Variants in LRRC72 observed in about 807,000 individuals in gnomAD.
The protein encoded by LRRC72 is leucine-rich repeat-containing protein 72.
Under a neutral mutation model 35.8 loss-of-function variants are expected in LRRC72, and 41 were observed. That is an observed-to-expected ratio of 1.15 (90% CI 0.89 to 1.49). LRRC72 has a LOEUF of 1.49. LRRC72 is among the 40% of genes most tolerant of loss of function. The pLI is 0.00. For synonymous variants in LRRC72, 118 were observed against 119.2 expected, an observed-to-expected ratio of 0.99 and a Z score of 0.07; for missense variants, 389 against 330.7, an observed-to-expected ratio of 1.18 and a Z score of -1.37.
intron 7 of LRRC72, among the ~76,000 whole-genome samples, chr7:16,570,460 CA>C (rs1294361336): frequency 6.6e-6 from 1 of 152,160 alleles, no homozygotes; most frequent in Non-Finnish European, 1.5e-5. Flanking sequence ...AAAATAAGGA[CA>C]TTTTCCTGTT....
chr7:16,535,194 GA>G (rs199810747), intron 2 of LRRC72, among the ~76,000 whole-genome samples: 3 of 150,812 alleles, frequency 2.0e-5, no homozygotes, highest in African/African-American at 4.9e-5. Context: ...TTCTAAAAAA[GA>G]AAAAAAAAGT....
chr7:16,567,085 T>C (rs773858345), intron 6 of LRRC72, among the ~76,000 whole-genome samples: 4 of 152,156 alleles, frequency 2.6e-5, no homozygotes, highest in Non-Finnish European at 5.9e-5. Flanking sequence ...TCCTTTCTAA[T>C]AGCCTTGAGG....
chr7:16,572,717 G>C (rs1008059166), intron 7 of LRRC72, among the ~76,000 whole-genome samples: 11 of 152,144 alleles, frequency 7.2e-5, no homozygotes, highest in Admixed American at 6.5e-5. Flanking sequence ...GCAAAAACTG[G>C]AAGCATTCCC....
At chr7:16,561,345 A>C (rs924258537) in intron 5 of LRRC72, among the ~76,000 whole-genome samples, 1 of 152,244 alleles carries the variant, frequency 6.6e-6, no homozygotes, top group South Asian at 2.1e-4. Context: ...AGTGGTAAAC[A>C]AGCTTACTCC....
At chr7:16,541,152 T>C (rs2128335364) in intron 3 of LRRC72, among the ~76,000 whole-genome samples, 1 of 152,298 alleles carries the variant, frequency 6.6e-6, no homozygotes, top group East Asian at 1.9e-4. Flanking sequence ...GAACTAAAAT[T>C]CAAACCCAGA....
chr7:16,526,999 G>T lies in LRRC72; in HGVS notation c.47G>T (p.Arg16Leu), dbSNP rs1175726508. The change falls in exon 1 of 9, where the codon CGC becomes CTC. Residue 16 changes from arginine (R) to leucine (L), a missense_variant. Coordinates refer to ENST00000401542, the MANE Select transcript of LRRC72 (RefSeq NM_001195280.2). ...NPVPRTLRCW[R>L]LRRASETALQ... ...GTGCCCCGTACCTTGCGATGCTGGCGCCTACGGAGGGCATCCGAAACTGCC... is the reference window on the plus strand; with the variant it reads ...GTGCCCCGTACCTTGCGATGCTGGCTCCTACGGAGGGCATCCGAAACTGCC... The T allele has an allele frequency of 1.9e-6, 3 of 1,539,884 alleles. No homozygotes were observed. Among genetic ancestry groups the T allele is most frequent in the East Asian group, 2.4e-5 (1 of 40,898 alleles).
intron 7 of LRRC72, among the ~76,000 whole-genome samples, chr7:16,568,702 A>G (rs1782891914): frequency 6.6e-6 from 1 of 152,148 alleles, no homozygotes; most frequent in South Asian, 2.1e-4. Flanking sequence ...AAACACAAAA[A>G]AGACACATAA....
chr7:16,561,062 T>G (rs1029253628), intron 5 of LRRC72, among the ~76,000 whole-genome samples: 1 of 152,194 alleles, frequency 6.6e-6, no homozygotes, highest in Non-Finnish European at 1.5e-5. Flanking sequence ...TACTTATCAT[T>G]TATTTATTCA....
At chr7:16,546,562 T>C (rs913105626) in intron 3 of LRRC72, among the ~76,000 whole-genome samples, 1 of 152,136 alleles carries the variant, frequency 6.6e-6, no homozygotes, top group East Asian at 1.9e-4. Flanking sequence ...AGTGAAAACA[T>C]GTCACTCCTC....
At chr7:16,534,974 G>A (rs1293758955) in intron 2 of LRRC72, among the ~76,000 whole-genome samples, 1 of 152,148 alleles carries the variant, frequency 6.6e-6, no homozygotes, top group African/African-American at 2.4e-5. Context: ...GAGACAGGTG[G>A]ATCACCTGAG....
intron 3 of LRRC72, among the ~76,000 whole-genome samples, chr7:16,547,182 G>A (rs1404629448): frequency 6.6e-6 from 1 of 152,174 alleles, no homozygotes; most frequent in East Asian, 1.9e-4. Context: ...GGAAAACGTG[G>A]AGGGGAGGTG....
chr7:16,562,300 G>C (rs1007818356), intron 5 of LRRC72, among the ~76,000 whole-genome samples: 35 of 151,936 alleles, frequency 2.3e-4, no homozygotes, highest in African/African-American at 7.7e-4. Flanking sequence ...ATGTGTCAAA[G>C]ACCCACTTTG....
chr7:16,575,085 A>C (rs1420755863), intron 7 of LRRC72, among the ~76,000 whole-genome samples: 1 of 141,952 alleles, frequency 7.0e-6, no homozygotes, highest in Non-Finnish European at 1.5e-5. Flanking sequence ...ACTGCACTTT[A>C]GCCTGCGTGA....
chr7:16,574,893 A>T (rs1406286305), intron 7 of LRRC72, among the ~76,000 whole-genome samples: 1 of 151,916 alleles, frequency 6.6e-6, no homozygotes, highest in Non-Finnish European at 1.5e-5. Flanking sequence ...AGGCAGGCGG[A>T]TAATTTGAGG....
chr7:16,564,937 T>C (rs1782803074), intron 5 of LRRC72, among the ~76,000 whole-genome samples: 1 of 152,216 alleles, frequency 6.6e-6, no homozygotes, highest in Non-Finnish European at 1.5e-5. Flanking sequence ...GCTTACTATT[T>C]TCATGCCTTT....
chr7:16,536,950 G>C (rs1056989736), intron 2 of LRRC72: 1 of 152,072 alleles, frequency 6.6e-6, no homozygotes, highest in Admixed American at 6.6e-5. Flanking sequence ...ACTACTCCAG[G>C]CCACATCAAT....
chr7:16,574,647 G>A (rs975813081), intron 7 of LRRC72, among the ~76,000 whole-genome samples: 1 of 151,874 alleles, frequency 6.6e-6, no homozygotes, highest in Non-Finnish European at 1.5e-5. Flanking sequence ...GGGGCCTGTC[G>A]GGGGCTGGAG....
At chr7:16,550,968 T>C (rs1476389936) in intron 3 of LRRC72, among the ~76,000 whole-genome samples, 1 of 152,232 alleles carries the variant, frequency 6.6e-6, no homozygotes, top group Admixed American at 6.5e-5. Context: ...TTTGTTAGCT[T>C]TTTGTTAGGA....
intron 1 of LRRC72, among the ~76,000 whole-genome samples, chr7:16,529,027 T>C (rs1782119620): frequency 6.6e-6 from 1 of 152,216 alleles, no homozygotes; most frequent in Non-Finnish European, 1.5e-5. Flanking sequence ...CATATACATG[T>C]GTTTATATAT....
Sources: allele counts gnomAD v4.1 joint callset (sites outside exome capture counted in the v4.1 genomes callset), GRCh38; gene constraint gnomAD v4.1.1; transcripts MANE v1.5; gene names NCBI Gene and HGNC (gene_info 2026-07-23, HGNC 2026-07-21).